The following NRXN3 variants were observed in gnomAD, a reference collection of about 807,000 sequenced individuals.
The protein encoded by NRXN3 is neurexin 3.
Under a neutral mutation model 137.6 loss-of-function variants are expected in NRXN3, and 32 were observed. The observed-to-expected ratio is 0.23, with a 90% confidence interval of 0.18 to 0.31. The LOEUF is 0.31. Ranked by LOEUF, NRXN3 falls within the 10% of genes least tolerant of loss-of-function variation. NRXN3 has a pLI of 1.00. For synonymous variants in NRXN3, 798 were observed against 784.5 expected (o/e 1.02, Z -0.29); for missense variants, 1,574 against 2,062.5 (o/e 0.76, Z 4.59).
At chr14:79,211,431 A>G (rs1323938431) in intron 15 of NRXN3, among the ~76,000 whole-genome samples, 1 of 152,162 alleles carries the variant, frequency 6.6e-6, no homozygotes, top group Non-Finnish European at 1.5e-5. Context: ...GTTGCCATTT[A>G]TTACATCCCT....
At chr14:78,935,933 A>G (rs970639629) in intron 10 of NRXN3, among the ~76,000 whole-genome samples, 2 of 152,208 alleles carry the variant, frequency 1.3e-5, no homozygotes, top group Non-Finnish European at 2.9e-5. Context: ...TCACTCTGCT[A>G]TAGAGCATTT....
intron 10 of NRXN3, among the ~76,000 whole-genome samples, chr14:78,849,768 C>T (rs1274982816): frequency 6.6e-6 from 1 of 151,998 alleles, no homozygotes; most frequent in Non-Finnish European, 1.5e-5. Flanking sequence ...CCAGAGCCAA[C>T]ATGTTGCTCT....
intron 16 of NRXN3, among the ~76,000 whole-genome samples, chr14:79,659,537 C>T (rs1381475630): frequency 6.6e-6 from 1 of 152,122 alleles, no homozygotes; most frequent in African/African-American, 2.4e-5. Context: ...TGACAGTGCC[C>T]ACCAAGCCAA....
chr14:79,336,101 G>A (rs2092241748), intron 15 of NRXN3, among the ~76,000 whole-genome samples: 1 of 152,180 alleles, frequency 6.6e-6, no homozygotes, highest in Non-Finnish European at 1.5e-5. Flanking sequence ...GTAGCTTACA[G>A]AATCAAAGCA....
At chr14:79,796,190 A>C (rs1308986731) in intron 19 of NRXN3, among the ~76,000 whole-genome samples, 1 of 152,176 alleles carries the variant, frequency 6.6e-6, no homozygotes, top group Non-Finnish European at 1.5e-5. Flanking sequence ...TAGATTCTTA[A>C]AGATGGTGTG....
At chr14:78,373,838 A>C (rs1218155487) in intron 4 of NRXN3, among the ~76,000 whole-genome samples, 1 of 152,224 alleles carries the variant, frequency 6.6e-6, no homozygotes, top group African/African-American at 2.4e-5. Context: ...ATTATCTCTG[A>C]GAGAGAAAAA....
intron 14 of NRXN3, among the ~76,000 whole-genome samples, chr14:78,980,576 G>A (rs2099486890): frequency 6.6e-6 from 1 of 152,210 alleles, no homozygotes; most frequent in Non-Finnish European, 1.5e-5. Context: ...TACACGTGCT[G>A]TAAGGGTGGA....
chr14:78,544,626 G>A (rs903678821), intron 4 of NRXN3, among the ~76,000 whole-genome samples: 2 of 152,212 alleles, frequency 1.3e-5, no homozygotes, highest in African/African-American at 4.8e-5. Flanking sequence ...GAGGCTGCGT[G>A]ACTTGACCAG....
In NRXN3 at chr14:78,253,411, C is replaced by T. The variant is rs559066692; in HGVS notation, c.709+9609C>T. Among the ~76,000 whole-genome samples, 15 of 152,242 alleles carry T rather than the reference C, an allele frequency of 9.9e-5. No individual in the cohort carries two copies. In the East Asian group the frequency reaches 1.7e-3, roughly 18 times the overall value. On this transcript the variant is annotated intron_variant, in intron 2 of 20. Coordinates refer to ENST00000335750, the MANE Select transcript of NRXN3 (RefSeq NM_001330195.2). ...ATGGGAGTCTGGGCGCTGTGGCTCA[C>T]GCCTGCAATCCCAGTACTTTGGGAG... is the stretch of plus-strand genomic sequence containing the variant.
chr14:79,252,831 C>G (rs1334551830), intron 15 of NRXN3, among the ~76,000 whole-genome samples: 1 of 152,186 alleles, frequency 6.6e-6, no homozygotes, highest in Non-Finnish European at 1.5e-5. Context: ...TGAGCCTCCT[C>G]CCTTTCTTAG....
At chr14:79,283,874 A>G (rs1448891792) in intron 15 of NRXN3, among the ~76,000 whole-genome samples, 1 of 152,120 alleles carries the variant, frequency 6.6e-6, no homozygotes, top group Non-Finnish European at 1.5e-5. Context: ...GCAAAAGTAT[A>G]TATATATATG....
intron 10 of NRXN3, among the ~76,000 whole-genome samples, chr14:78,841,369 T>C (rs1279738436): frequency 6.6e-6 from 1 of 152,006 alleles, no homozygotes; most frequent in Non-Finnish European, 1.5e-5. Context: ...GAATAATTCT[T>C]TCTTTCACCC....
intron 6 of NRXN3, among the ~76,000 whole-genome samples, chr14:78,661,152 C>T (rs901030659): frequency 1.3e-5 from 2 of 152,112 alleles, no homozygotes; most frequent in Non-Finnish European, 1.5e-5. Context: ...ATCTGGATAA[C>T]ATTTTGGAGT....
chr14:79,136,801 A>G (rs1327088142), intron 15 of NRXN3, among the ~76,000 whole-genome samples: 1 of 152,212 alleles, frequency 6.6e-6, no homozygotes. Context: ...TAAAGGCAAA[A>G]ACGAACACTG....
chr14:78,731,036 C>T (rs954697348), intron 8 of NRXN3, among the ~76,000 whole-genome samples: 2 of 152,056 alleles, frequency 1.3e-5, no homozygotes, highest in Non-Finnish European at 2.9e-5. Flanking sequence ...TTTCTTTCAC[C>T]TTCCTTCTTT....
intron 4 of NRXN3, among the ~76,000 whole-genome samples, chr14:78,416,342 C>G (rs1799869897): frequency 6.6e-6 from 1 of 152,028 alleles, no homozygotes; most frequent in African/African-American, 2.4e-5. Context: ...TTCAGTTGAG[C>G]CCTGAATAAA....
intron 6 of NRXN3, among the ~76,000 whole-genome samples, chr14:78,686,287 G>C (rs944007653): frequency 2.6e-5 from 4 of 152,094 alleles, no homozygotes; most frequent in African/African-American, 9.7e-5. Context: ...TATTCTCTTG[G>C]CACTAGCAGA....
intron 15 of NRXN3, among the ~76,000 whole-genome samples, chr14:79,181,650 C>T (rs1489108084): frequency 6.9e-6 from 1 of 144,058 alleles, no homozygotes; most frequent in African/African-American, 2.6e-5. Flanking sequence ...CACTGCATTC[C>T]AGTCCTGGGC....
intron 15 of NRXN3, among the ~76,000 whole-genome samples, chr14:79,132,401 A>G (rs1432992276): frequency 6.6e-6 from 1 of 152,222 alleles, no homozygotes; most frequent in Non-Finnish European, 1.5e-5. Context: ...AATTTTGAAG[A>G]CTTCATATGG....
Sources: allele counts gnomAD v4.1 joint callset (sites outside exome capture counted in the v4.1 genomes callset), GRCh38; gene constraint gnomAD v4.1.1; transcripts MANE v1.5; gene names NCBI Gene and HGNC (gene_info 2026-07-23, HGNC 2026-07-21).